BICC1: variants seen among roughly 807,000 people sequenced by gnomAD.
BICC1 encodes the protein BicC family RNA binding protein 1, also known as protein bicaudal C homolog 1.
Under a neutral mutation model 111.0 loss-of-function variants are expected in BICC1, and 43 were observed. The observed-to-expected ratio is 0.39, with a 90% CI of 0.30 to 0.50. The LOEUF (loss-of-function observed/expected upper bound fraction) is 0.50. Among genes scored for constraint, BICC1 ranks in the 20% least tolerant of loss-of-function variants. The pLI is 0.88. For synonymous variants in BICC1, 467 were observed against 434.4 expected, an observed-to-expected ratio of 1.07 and a Z score of -0.93; for missense variants, 1,091 against 1,203.2, an observed-to-expected ratio of 0.91 and a Z score of 1.38.
At chr10:58,717,516 A>C (rs1264950429) in intron 3 of BICC1, among the ~76,000 whole-genome samples, 1 of 152,224 alleles carries the variant, frequency 6.6e-6, no homozygotes, top group African/African-American at 2.4e-5. Context: ...TGACAAGTTA[A>C]GTTTAAATAA....
chr10:58,798,227 C>G (rs2011263931), intron 10 of BICC1, among the ~76,000 whole-genome samples, 172 bp from the exon 11 acceptor site: 1 of 152,082 alleles, frequency 6.6e-6, no homozygotes, highest in Admixed American at 6.5e-5. Context: ...TCTGTTGGAG[C>G]TGTATGATGC....
chr10:58,520,532 C>CAAATA (rs1842361399), intron 1 of BICC1, among the ~76,000 whole-genome samples: 2 of 152,028 alleles, frequency 1.3e-5, no homozygotes, highest in Non-Finnish European at 2.9e-5. Flanking sequence ...AATCTTGTTC[C>CAAATA]CATTTATGAT....
In BICC1 at chr10:58,738,206, G is replaced by A. The variant is rs192662022; in HGVS notation, c.307+36063G>A. On this transcript the variant is annotated intron_variant, in intron 3 of 20. Coordinates refer to ENST00000373886, the MANE Select transcript of BICC1 (RefSeq NM_001080512.3). ...GGTATTGCCTAGGTTTTCTTCTAGG[G>A]TTTTTATGGTTTTAGGTCTAACAAT... Among the ~76,000 whole-genome samples the A allele has an allele frequency of 2.3e-3, 352 of 152,258 alleles. 1 individual carries two copies. The highest frequency in any genetic ancestry group is 7.9e-3 in the African/African-American group (329 of 41,540).
chr10:58,636,991 C>A (rs749997288), intron 2 of BICC1, among the ~76,000 whole-genome samples: 1 of 151,492 alleles, frequency 6.6e-6, no homozygotes, highest in Non-Finnish European at 1.5e-5. Context: ...GATGAGGCAC[C>A]TTCCATATCT....
At chr10:58,550,282 A>G (rs985089807) in intron 1 of BICC1, among the ~76,000 whole-genome samples, 3 of 152,146 alleles carry the variant, frequency 2.0e-5, no homozygotes, top group African/African-American at 7.2e-5. Context: ...TCAGTCTCCT[A>G]AAGTGCTAGG....
At chr10:58,658,990 A>ACG (rs1554818524) in intron 2 of BICC1, among the ~76,000 whole-genome samples, 3 of 152,052 alleles carry the variant, frequency 2.0e-5, no homozygotes, top group Non-Finnish European at 2.9e-5. Context: ...ATGTGTATGA[A>ACG]TGTGTGTATG....
chr10:58,791,139 G>A (rs745342592), intron 8 of BICC1, among the ~76,000 whole-genome samples: 5 of 152,070 alleles, frequency 3.3e-5, no homozygotes, highest in East Asian at 1.9e-4. Flanking sequence ...TTTTTTAGCC[G>A]AGCTTATTTT....
intron 2 of BICC1, among the ~76,000 whole-genome samples, chr10:58,636,961 A>T (rs1400912704): frequency 2.6e-5 from 4 of 152,032 alleles, no homozygotes; most frequent in Admixed American, 2.6e-4. Flanking sequence ...GCTGGGGGGA[A>T]GGCTGTGTGG....
intron 2 of BICC1, among the ~76,000 whole-genome samples, chr10:58,635,001 C>G (rs900760903): frequency 1.3e-5 from 2 of 152,022 alleles, no homozygotes; most frequent in African/African-American, 4.8e-5. Flanking sequence ...TTGGTCTTGT[C>G]TCAGGGGTGG....
intron 18 of BICC1, 111 bp from the exon 19 acceptor site, chr10:58,817,451 C>T (rs1410343260): frequency 2.6e-6 from 3 of 1,162,560 alleles, no homozygotes; most frequent in Non-Finnish European, 3.8e-6. Flanking sequence ...AGCTACTGCC[C>T]TATTCAGCTG....
In BICC1 at chr10:58,539,594, G is replaced by T. The variant is rs1005914781; in HGVS notation, c.190+26261G>T. ...ATGAAAGGGCCAATTCACCAGGAAG[G>T]TATGACAATGATAAATGTACATGTA... On this transcript the variant is annotated intron_variant, in intron 1 of 20. Coordinates refer to ENST00000373886, the MANE Select transcript of BICC1 (RefSeq NM_001080512.3). Among the ~76,000 whole-genome samples the T allele has an allele frequency of 5.3e-5, 8 of 151,854 alleles. No homozygotes were observed. The East Asian group carries it at 1.6e-3, about 30-fold the overall frequency.
At chr10:58,682,795 A>G (rs1339322656) in intron 2 of BICC1, among the ~76,000 whole-genome samples, 37 of 152,270 alleles carry the variant, frequency 2.4e-4, no homozygotes, top group Non-Finnish European at 4.3e-4. Context: ...TTTGTCAGAT[A>G]GGTAGATTGT....
intron 18 of BICC1, 61 bp downstream of exon 18, chr10:58,814,047 G>A (rs1450662024): frequency 9.4e-6 from 15 of 1,590,436 alleles, no homozygotes; most frequent in Non-Finnish European, 1.3e-5. Context: ...GTTTATTTGG[G>A]TTGGAGTATC....
intron 1 of BICC1, among the ~76,000 whole-genome samples, chr10:58,558,652 G>A (rs566749824): frequency 3.9e-5 from 6 of 152,070 alleles, no homozygotes; most frequent in African/African-American, 1.4e-4. Context: ...TTAACTCTAA[G>A]CAACATTCTT....
chr10:58,611,401 A>C (rs1329014110), intron 1 of BICC1, among the ~76,000 whole-genome samples: 1 of 151,810 alleles, frequency 6.6e-6, no homozygotes, highest in Non-Finnish European at 1.5e-5. Flanking sequence ...GTTTGTTTAT[A>C]TTTGTGTCTG....
At chr10:58,753,466 G>T (rs891294891) in intron 3 of BICC1, among the ~76,000 whole-genome samples, 1 of 152,074 alleles carries the variant, frequency 6.6e-6, no homozygotes, top group Admixed American at 6.6e-5. Context: ...ACCACGCCTG[G>T]TCAGTTTACC....
chr10:58,789,640 G>A, intron 7 of BICC1, 42 bp from the exon 8 acceptor site: 2 of 1,608,052 alleles, frequency 1.2e-6, no homozygotes, highest in Non-Finnish European at 1.7e-6. Flanking sequence ...TATATGAACA[G>A]TTAATGTATA....
intron 1 of BICC1, among the ~76,000 whole-genome samples, chr10:58,589,886 G>A (rs529836786): frequency 6.6e-6 from 1 of 152,138 alleles, no homozygotes; most frequent in South Asian, 2.1e-4. Context: ...GTGCACTGCA[G>A]CCTTGAACTC....
intron 2 of BICC1, among the ~76,000 whole-genome samples, chr10:58,622,473 CAT>C (rs1213531401): frequency 6.6e-6 from 1 of 152,198 alleles, no homozygotes. Context: ...AATGGAAACA[CAT>C]GTTTGAATCC....
Sources: allele counts gnomAD v4.1 joint callset (sites outside exome capture counted in the v4.1 genomes callset), GRCh38; gene constraint gnomAD v4.1.1; transcripts MANE v1.5; gene names NCBI Gene and HGNC (gene_info 2026-07-23, HGNC 2026-07-21).